The following SLC51A variants were observed in gnomAD, a reference collection of about 807,000 sequenced individuals.
SLC51A encodes the protein organic solute transporter subunit alpha.
Under a neutral mutation model 34.8 loss-of-function variants are expected in SLC51A, and 22 were observed. The ratio of observed to expected loss-of-function variants is 0.63; its 90% CI spans 0.45 to 0.90. SLC51A has a LOEUF of 0.90. SLC51A is among the 40% of genes least tolerant of loss of function. SLC51A has a pLI of 0.00. For synonymous variants in SLC51A, 181 were observed against 176.3 expected (o/e 1.03, Z -0.21); for missense variants, 371 against 414.8 (o/e 0.89, Z 0.92).
Position 196,229,949 on chromosome 3 carries a change from C to T in SLC51A, c.668C>T (p.Thr223Ile). The change falls in exon 7 of 9, where the codon ACT becomes ATT. Residue 223 changes from threonine to isoleucine, a missense_variant. By Grantham distance (89) the Thr-to-Ile change is moderately conservative. Coordinates refer to ENST00000296327, the MANE Select transcript of SLC51A (RefSeq NM_152672.6). ...GGGAGCACAGCTCTATGGATCAACACTTTCCTTGGCGTGTCCACACTGCTG... is the reference window on the plus strand; with the variant it reads ...GGGAGCACAGCTCTATGGATCAACATTTTCCTTGGCGTGTCCACACTGCTG... ...SEGSTALWIN[T>I]FLGVSTLLAL... The T allele has an allele frequency of 6.2e-7, 1 of 1,613,316 alleles. No homozygotes were observed. Among genetic ancestry groups the T allele is most frequent in the Non-Finnish European group, 8.5e-7 (1 of 1,179,648 alleles).
Position 196,228,745 on chromosome 3 carries a change from C to T in SLC51A, c.522-64C>T, listed in dbSNP as rs112977703. 12 of 1,388,316 alleles carry T rather than the reference C, an allele frequency of 8.6e-6. No individual in the cohort carries two copies. Among genetic ancestry groups the T allele is most frequent in the African/African-American group, 4.3e-5 (3 of 70,528 alleles). The allele number at this position is 1,388,316 out of a possible 1,614,324, so 86.0% of individuals were successfully genotyped here. A position where few individuals can be genotyped will look rare whatever the true frequency, so the allele number is the denominator to read the frequency against. Reference sequence around the variant, plus strand: ...CTCAGCCCAGGAGCCCTGTGAGGAGCCGGGGCGTCTTCCTGGGGCAGGGGG... The same window carrying T: ...CTCAGCCCAGGAGCCCTGTGAGGAGTCGGGGCGTCTTCCTGGGGCAGGGGG... On this transcript the variant is annotated intron_variant, in intron 5 of 8. Coordinates refer to ENST00000296327, the MANE Select transcript of SLC51A (RefSeq NM_152672.6). The surrounding 1 kb of genome is among the most constrained non-coding windows in gnomAD (Gnocchi z 4.9).
intron 2 of SLC51A, among the ~76,000 whole-genome samples, chr3:196,218,285 C>T (rs375039014): frequency 5.9e-5 from 9 of 152,346 alleles, no homozygotes; most frequent in Middle Eastern, 3.4e-3. Context: ...CAAGCCCCAT[C>T]GGGTCTCCTG....
intron 2 of SLC51A, chr3:196,226,428 A>G (rs1159322788): frequency 1.3e-5 from 2 of 152,234 alleles, no homozygotes; most frequent in Non-Finnish European, 2.9e-5. Context: ...TTCGGCTTCA[A>G]TTATGTTAAT....
intron 6 of SLC51A, among the ~76,000 whole-genome samples, chr3:196,229,421 C>T (rs566458473): frequency 1.0e-4 from 15 of 150,538 alleles, no homozygotes; most frequent in South Asian, 2.1e-4. Context: ...TTTTGTCGCC[C>T]AGGCTGGAGT....
chr3:196,228,983 G>T lies in SLC51A; in HGVS notation c.633+63G>T. 7.4e-7 allele frequency: 1 copy of T among 1,353,642 alleles called. No homozygotes were observed. The highest frequency in any genetic ancestry group is 2.3e-5 in the East Asian group (1 of 43,476). 83.9% of individuals were successfully genotyped at this position (1,353,642 alleles called of 1,614,324 possible). Reference sequence around the variant, plus strand: ...ATTTAGTACCTTTGTGTTCTAAAAGGAATCACCAGAGCCAACACCCCTTGA... The same window carrying T: ...ATTTAGTACCTTTGTGTTCTAAAAGTAATCACCAGAGCCAACACCCCTTGA... On this transcript the variant is annotated intron_variant, in intron 6 of 8. Transcript: ENST00000296327. The surrounding 1 kb of genome is among the most constrained non-coding windows in gnomAD (Gnocchi z 4.9).
intron 2 of SLC51A, among the ~76,000 whole-genome samples, chr3:196,220,255 C>T (rs545991823): frequency 6.6e-6 from 1 of 152,308 alleles, no homozygotes; most frequent in East Asian, 1.9e-4. Context: ...TCGTGCTTCT[C>T]GGCCATTCGT....
At chr3:196,229,372 C>A (rs1383734641) in intron 6 of SLC51A, among the ~76,000 whole-genome samples, 1 of 144,932 alleles carries the variant, frequency 6.9e-6, no homozygotes, top group Non-Finnish European at 1.5e-5. Context: ...TAGTGAGATA[C>A]CATCTCTTTT....
At chr3:196,217,782 T>G in intron 1 of SLC51A, 60 bp from the exon 2 acceptor site, 1 of 1,464,360 alleles carries the variant, frequency 6.8e-7, no homozygotes, top group Non-Finnish European at 9.5e-7. Flanking sequence ...GGGTCCAGTG[T>G]GCAACCCTCC....
At chr3:196,225,870 G>A (rs1292653712) in intron 2 of SLC51A, 2 of 152,154 alleles carry the variant, frequency 1.3e-5, no homozygotes, top group African/African-American at 4.8e-5. Flanking sequence ...CGTAGGGCCT[G>A]GGCAGCTAGC....
At chr3:196,221,400 G>A (rs1470915681) in intron 2 of SLC51A, among the ~76,000 whole-genome samples, 1 of 151,750 alleles carries the variant, frequency 6.6e-6, no homozygotes, top group Non-Finnish European at 1.5e-5. Flanking sequence ...TCGAGTAGCT[G>A]GGACTGCAGG....
At chr3:196,230,684 A>C (rs939439915) in intron 7 of SLC51A, among the ~76,000 whole-genome samples, 1 of 151,960 alleles carries the variant, frequency 6.6e-6, no homozygotes, top group Non-Finnish European at 1.5e-5. Context: ...GGGTTTCGCT[A>C]TGTTGGCCAG....
In SLC51A at chr3:196,232,414, C is replaced by T. The variant is rs372691007; in HGVS notation, c.781-5C>T. 270 of 1,611,666 alleles carry T rather than the reference C, an allele frequency of 1.7e-4. No homozygotes were observed. The highest frequency in any genetic ancestry group is 5.5e-4 in the African/African-American group (41 of 74,868). ...CCACCCTTGCCTCTCTTTTATGTTCCGCAGGTTCTCCTCATCCTGACTGCC... is the reference window on the plus strand; with the variant it reads ...CCACCCTTGCCTCTCTTTTATGTTCTGCAGGTTCTCCTCATCCTGACTGCC... On this transcript the variant is annotated splice_polypyrimidine_tract_variant and splice_region_variant and intron_variant, in intron 7 of 8. Coordinates refer to ENST00000296327, the MANE Select transcript of SLC51A (RefSeq NM_152672.6).
At chr3:196,232,390 C>A (rs1275231181) in intron 7 of SLC51A, 29 bp from the exon 8 acceptor site, 3 of 1,576,062 alleles carry the variant, frequency 1.9e-6, no homozygotes, top group Non-Finnish European at 2.6e-6. Flanking sequence ...AGGCCCAGTC[C>A]ACCCTTGCCT....
rs910787704 is a variant in SLC51A at position 196,233,332 on chromosome 3, A to C, written c.*133A>C. On this transcript the variant is annotated 3_prime_UTR_variant, in exon 9 of 9. Transcript: ENST00000296327. ...AGCTGGCAGATACATTTGACTCTAC[A>C]GATGAAGGTGAACAATGTTAGAATA... is the stretch of plus-strand genomic sequence containing the variant. The C allele has an allele frequency of 1.4e-5, 14 of 1,002,038 alleles. No individual in the cohort carries two copies. In the Admixed American group the frequency reaches 1.7e-4, roughly 12 times the overall value. 62.1% of individuals were successfully genotyped at this position (1,002,038 alleles called of 1,614,324 possible). A position where few individuals can be genotyped will look rare whatever the true frequency, so the allele number is the denominator to read the frequency against.
intron 6 of SLC51A, among the ~76,000 whole-genome samples, chr3:196,229,271 A>G (rs1723971766): frequency 6.6e-6 from 1 of 152,184 alleles, no homozygotes; most frequent in South Asian, 2.1e-4. Flanking sequence ...TAGGCTGGAC[A>G]TGGTGGCTCA....
At chr3:196,229,689 T>TAAAAAAAAA (rs77390915) in intron 6 of SLC51A, among the ~76,000 whole-genome samples, 34 of 135,582 alleles carry the variant, frequency 2.5e-4, no homozygotes, top group African/African-American at 7.6e-4. Context: ...TCTCTATTAT[T>TAAAAAAAAA]AAAAAAAAAA....
At chr3:196,220,390 A>G (rs1229555879) in intron 2 of SLC51A, among the ~76,000 whole-genome samples, 1 of 152,182 alleles carries the variant, frequency 6.6e-6, no homozygotes, top group African/African-American at 2.4e-5. Context: ...TGCGGTCAAG[A>G]GTTCAAGATC....
In SLC51A at chr3:196,228,059, TG is replaced by T; in HGVS notation, c.363-55del. ...CTCCTCAGTAAGCCCCACCTCTCCC[TG>T]CTGTCTTTCTCTCTGGCAGCAGACC... On this transcript the variant is annotated intron_variant, in intron 4 of 8. Transcript: ENST00000296327. This position sits in a 1 kb window ranked among gnomAD's most constrained non-coding sequence, Gnocchi z 4.9. The T allele has an allele frequency of 6.3e-7, 1 of 1,576,944 alleles. No individual in the cohort carries two copies.
intron 1 of SLC51A, 113 bp from the exon 2 acceptor site, chr3:196,217,729 C>T: frequency 1.4e-6 from 1 of 711,902 alleles, no homozygotes; most frequent in Non-Finnish European, 2.4e-6. Flanking sequence ...AGAAAGAGGC[C>T]CTGAGGGGAA....
Sources: gnomAD v4.1 joint callset for allele counts (sites outside exome capture counted in the v4.1 genomes callset) on GRCh38, gnomAD v4.1.1 for gene constraint, Gnocchi (gnomAD v3.1) non-coding constraint, MANE v1.5 for transcripts, NCBI Gene and HGNC (gene_info 2026-07-23, HGNC 2026-07-21) for gene names.